NAV2: variants seen among roughly 807,000 people sequenced by gnomAD.
NAV2 encodes neuron navigator 2.
NAV2 carries 54 observed loss-of-function variants against 223.2 expected under a neutral mutation model. That is an observed-to-expected ratio of 0.24 (90% CI 0.19 to 0.30). The LOEUF (loss-of-function observed/expected upper bound fraction) is 0.30, where lower values mean the gene tolerates loss of function less well. Ranked by LOEUF, NAV2 falls within the 10% of genes least tolerant of loss-of-function variation. NAV2 has a pLI of 1.00. For missense variants in NAV2, 2,806 were observed against 3,147.5 expected (o/e 0.89, Z 2.60); for synonymous variants, 1,279 against 1,239.3 (o/e 1.03, Z -0.67).
At chr11:19,664,748 A>C (rs564938075) in intron 1 of NAV2, among the ~76,000 whole-genome samples, 1 of 152,308 alleles carries the variant, frequency 6.6e-6, no homozygotes, top group African/African-American at 2.4e-5. Context: ...CAATACCAGG[A>C]AGCCTTTGCT....
intron 11 of NAV2, among the ~76,000 whole-genome samples, chr11:20,008,958 A>G (rs1008843030): frequency 1.3e-5 from 2 of 152,058 alleles, no homozygotes; most frequent in African/African-American, 4.8e-5. Context: ...GAATAAGATC[A>G]CTCTAACTAC....
Position 19,902,341 on chromosome 11 carries a change from A to G in NAV2, c.931+9747A>G, listed in dbSNP as rs555327873. On this transcript the variant is annotated intron_variant, in intron 6 of 37. Coordinates refer to ENST00000349880, the MANE Select transcript of NAV2 (RefSeq NM_145117.5). ...TAATGTGTGAAACTAATAACCTTTA[A>G]TGCTGAAGCCATCCTTTTTTCACAG... Among the ~76,000 whole-genome samples the G allele has an allele frequency of 2.3e-4, 35 of 152,300 alleles. No individual in the cohort carries two copies. The South Asian group carries it at 4.8e-3, about 21-fold the overall frequency.
At chr11:19,450,276 G>A (rs954126493) in intron 1 of NAV2, among the ~76,000 whole-genome samples, 3 of 152,156 alleles carry the variant, frequency 2.0e-5, no homozygotes, top group African/African-American at 7.2e-5. Flanking sequence ...AGTGGTGACA[G>A]GTCACTTAAA....
At chr11:19,630,701 A>G (rs1332720375) in intron 1 of NAV2, among the ~76,000 whole-genome samples, 1 of 152,154 alleles carries the variant, frequency 6.6e-6, no homozygotes, top group African/African-American at 2.4e-5. Context: ...AGCCTGGGCA[A>G]CATGGTGAGA....
At chr11:19,449,953 G>A (rs113633739) in intron 1 of NAV2, among the ~76,000 whole-genome samples, 47 of 152,170 alleles carry the variant, frequency 3.1e-4, no homozygotes, top group African/African-American at 9.9e-4. Context: ...GCAGCAAAGA[G>A]CCTTTATTCA....
intron 2 of NAV2, among the ~76,000 whole-genome samples, chr11:19,842,256 C>T (rs1565411822): frequency 6.6e-6 from 1 of 152,172 alleles, no homozygotes; most frequent in Admixed American, 6.5e-5. Context: ...CTTTCCATCA[C>T]TTCTCTAAGT....
At chr11:19,943,619 C>T (rs976085901) in intron 8 of NAV2, among the ~76,000 whole-genome samples, 1 of 152,142 alleles carries the variant, frequency 6.6e-6, no homozygotes, top group Non-Finnish European at 1.5e-5. Context: ...GCCTTGTCCC[C>T]TGTTAATGGC....
At chr11:19,650,021 G>T (rs1445522618) in intron 1 of NAV2, among the ~76,000 whole-genome samples, 1 of 152,184 alleles carries the variant, frequency 6.6e-6, no homozygotes, top group Non-Finnish European at 1.5e-5. Context: ...TTTGGAAAAT[G>T]GCAGTTCTTA....
At chr11:19,791,390 A>T (rs983935001) in intron 1 of NAV2, among the ~76,000 whole-genome samples, 6 of 152,046 alleles carry the variant, frequency 3.9e-5, no homozygotes, top group Non-Finnish European at 7.4e-5. Context: ...GCCTCTGAAC[A>T]CGTCAAGCCC....
chr11:20,093,499 T>C (rs2061001751), intron 29 of NAV2, among the ~76,000 whole-genome samples: 1 of 152,168 alleles, frequency 6.6e-6, no homozygotes, highest in Non-Finnish European at 1.5e-5. Flanking sequence ...CCTTTCTGAA[T>C]GTAATATACT....
At chr11:19,564,374 C>A (rs1456530788) in intron 1 of NAV2, among the ~76,000 whole-genome samples, 1 of 152,198 alleles carries the variant, frequency 6.6e-6, no homozygotes, top group Non-Finnish European at 1.5e-5. Flanking sequence ...TCTAATTGCT[C>A]AAAAAGTGAG....
At chr11:19,389,189 T>G (rs1849154225) in intron 1 of NAV2, among the ~76,000 whole-genome samples, 1 of 152,224 alleles carries the variant, frequency 6.6e-6, no homozygotes, top group Non-Finnish European at 1.5e-5. Context: ...AGTGACTGGC[T>G]TGCTGTCCAT....
chr11:20,000,086 T>G (rs895737072), intron 11 of NAV2, among the ~76,000 whole-genome samples: 1 of 152,144 alleles, frequency 6.6e-6, no homozygotes, highest in African/African-American at 2.4e-5. Context: ...ACCTCTGTCC[T>G]TGGGGAACTC....
At chr11:19,637,038 C>A (rs1316466193) in intron 1 of NAV2, among the ~76,000 whole-genome samples, 1 of 152,202 alleles carries the variant, frequency 6.6e-6, no homozygotes, top group Non-Finnish European at 1.5e-5. Context: ...AGTAAAATAC[C>A]TCTGGGCCGT....
At chr11:19,881,330 C>T (rs554583344) in intron 5 of NAV2, among the ~76,000 whole-genome samples, 4 of 152,316 alleles carry the variant, frequency 2.6e-5, no homozygotes, top group Admixed American at 2.0e-4. Context: ...GAGGAACAGA[C>T]AGCCTTATCA....
At chr11:19,589,248 A>G (rs1297885882) in intron 1 of NAV2, among the ~76,000 whole-genome samples, 1 of 152,172 alleles carries the variant, frequency 6.6e-6, no homozygotes, top group Admixed American at 6.5e-5. Flanking sequence ...AAACCAACCA[A>G]CCAATCAAAC....
chr11:19,845,105 C>T (rs539242562), intron 3 of NAV2, among the ~76,000 whole-genome samples: 3 of 152,264 alleles, frequency 2.0e-5, no homozygotes, highest in South Asian at 2.1e-4. Context: ...CTAGATCACA[C>T]AGGAAGTTCT....
At chr11:20,093,237 C>A in intron 29 of NAV2, 38 bp downstream of exon 29, 1 of 1,395,576 alleles carries the variant, frequency 7.2e-7, no homozygotes, top group Non-Finnish European at 1.0e-6. Flanking sequence ...CCTGTCCCTC[C>A]CCCAGGTAGA....
At chr11:19,776,632 A>ATGTGTGTGTG (rs71050685) in intron 1 of NAV2, among the ~76,000 whole-genome samples, 4,749 of 64,592 alleles carry the variant, frequency 0.074, 494 homozygotes, top group Middle Eastern at 0.11. Flanking sequence ...GGGTCAGAAA[A>ATGTGTGTGTG]TGTGTGTGTG....
Sources: gnomAD v4.1 joint callset for allele counts (sites outside exome capture counted in the v4.1 genomes callset) on GRCh38, gnomAD v4.1.1 for gene constraint, MANE v1.5 for transcripts, NCBI Gene and HGNC (gene_info 2026-07-23, HGNC 2026-07-21) for gene names.